The following TTC7B variants were observed in gnomAD, a reference collection of about 807,000 sequenced individuals.
The protein encoded by TTC7B is tetratricopeptide repeat domain 7B, also known as tetratricopeptide repeat protein 7B.
In TTC7B, 28 loss-of-function variants were observed where a neutral mutation model predicts 106.8. The ratio of observed to expected loss-of-function variants is 0.26; its 90% confidence interval spans 0.19 to 0.36. The LOEUF is 0.36. Among genes scored for constraint, TTC7B ranks in the 10% least tolerant of loss-of-function variants. The probability of loss-of-function intolerance (pLI) is 1.00; values close to 1 mark genes in which losing one functional copy is unlikely to be tolerated. For missense variants in TTC7B, 862 were observed against 1,076.4 expected (o/e 0.80, Z 2.79); for synonymous variants, 405 against 430.6 (o/e 0.94, Z 0.74).
chr14:90,707,514 G>A (rs546492108), intron 5 of TTC7B, among the ~76,000 whole-genome samples: 1 of 152,324 alleles, frequency 6.6e-6, no homozygotes, highest in South Asian at 2.1e-4. Flanking sequence ...TGAAAGTGGG[G>A]CCTTTTGTAC....
At chr14:90,603,660 C>T (rs1165200854) in intron 17 of TTC7B, among the ~76,000 whole-genome samples, 3 of 152,118 alleles carry the variant, frequency 2.0e-5, no homozygotes, top group African/African-American at 7.2e-5. Flanking sequence ...AATCATGATT[C>T]CAGTGGTTTG....
At position 90,567,125 on chromosome 14, in the gene TTC7B, C is replaced by T. The variant is rs1395080392; in HGVS notation, c.2310+10981G>A. On this transcript the variant is annotated intron_variant, in intron 19 of 19. Transcript: ENST00000328459. ...AGGGGAGAGAGGCCTGCCTTGGCTC[C>T]AGGTCAGCACCCCGCAAGAGCCTGA... is the stretch of plus-strand genomic sequence containing the variant. 2.0e-5 allele frequency among the ~76,000 whole-genome samples: 3 copies of T among 152,322 alleles called. No individual in the cohort carries two copies. In the East Asian group the frequency reaches 5.8e-4, roughly 29 times the overall value.
At chr14:90,653,487 G>A (rs961480379) in intron 12 of TTC7B, among the ~76,000 whole-genome samples, 2 of 152,198 alleles carry the variant, frequency 1.3e-5, no homozygotes, top group African/African-American at 4.8e-5. Flanking sequence ...CATGGAAAAT[G>A]AGCTCAAAAG....
intron 5 of TTC7B, among the ~76,000 whole-genome samples, chr14:90,712,337 G>A (rs1480605103): frequency 6.6e-6 from 1 of 152,012 alleles, no homozygotes; most frequent in African/African-American, 2.4e-5. Context: ...AGATTGAACA[G>A]AAAAAAGTAA....
intron 5 of TTC7B, chr14:90,699,049 T>A: frequency 2.6e-6 from 1 of 385,540 alleles, no homozygotes; most frequent in East Asian, 8.4e-5. Context: ...CATTCAACCC[T>A]CCCTCTCGAC....
chr14:90,756,121 G>T lies in TTC7B; in HGVS notation c.446-11199C>A, dbSNP rs184640035. ...GTTCTAGTTTCCTTCCTAAGAAGAG[G>T]GGACTCATCACTGGTGTGATGAGTA... is the stretch of plus-strand genomic sequence containing the variant. On this transcript the variant is annotated intron_variant, in intron 3 of 19. Transcript: ENST00000328459. 3.9e-5 allele frequency among the ~76,000 whole-genome samples: 6 copies of T among 152,258 alleles called. No individual in the cohort carries two copies. In the East Asian group the frequency reaches 9.7e-4, roughly 25 times the overall value.
chr14:90,667,794 C>T (rs1886469002), intron 9 of TTC7B, among the ~76,000 whole-genome samples: 1 of 152,096 alleles, frequency 6.6e-6, no homozygotes, highest in Non-Finnish European at 1.5e-5. Context: ...TTGGTGGACT[C>T]AATAGGGAGA....
At chr14:90,694,703 T>TTATTTTATTATAAAATA (rs1168054188) in intron 6 of TTC7B, among the ~76,000 whole-genome samples, 17 of 142,722 alleles carry the variant, frequency 1.2e-4, no homozygotes, top group Admixed American at 2.8e-4. Context: ...AAAATATATT[T>TTATTTTATTATAAAATA]TATTTTATTA....
At chr14:90,560,879 C>T (rs11620666) in intron 19 of TTC7B, among the ~76,000 whole-genome samples, 40,313 of 152,074 alleles carry the variant, frequency 0.27, 6,587 homozygotes, top group Admixed American at 0.36. Flanking sequence ...GCAGATTTGT[C>T]ACCTTTGTGT....
intron 1 of TTC7B, among the ~76,000 whole-genome samples, chr14:90,788,961 CA>C (rs34493796): frequency 0.1 from 14,340 of 138,252 alleles, 748 homozygotes; most frequent in East Asian, 0.17. Flanking sequence ...GACTCCATCT[CA>C]AAAAAAAAAA....
rs2139907674 is a variant in TTC7B, at chr14:90,663,517, T to A, written c.1153-5130A>T. On this transcript the variant is annotated intron_variant, in intron 9 of 19. Transcript: ENST00000328459. This position sits in a 1 kb window ranked among gnomAD's most constrained non-coding sequence, Gnocchi z 4.5. ...TAAGGACTGAGACCTTTCCAGCTAGTAGAAGTGTCAATCAACTTTACTGAT... is the reference window on the plus strand; with the variant it reads ...TAAGGACTGAGACCTTTCCAGCTAGAAGAAGTGTCAATCAACTTTACTGAT... Among the ~76,000 whole-genome samples, 1 of 152,124 alleles carries A rather than the reference T, an allele frequency of 6.6e-6. No homozygotes were observed. The highest frequency in any genetic ancestry group is 2.4e-5 in the African/African-American group (1 of 41,498).
chr14:90,618,110 G>T, intron 15 of TTC7B, 65 bp from the exon 16 acceptor site: 1 of 1,208,610 alleles, frequency 8.3e-7, no homozygotes. Context: ...ATCCCAGCAA[G>T]ACAAGTGGTG....
chr14:90,645,667 A>G (rs1194002827), intron 14 of TTC7B, among the ~76,000 whole-genome samples: 1 of 152,234 alleles, frequency 6.6e-6, no homozygotes, highest in East Asian at 1.9e-4. Context: ...AAGGCAAAGC[A>G]TAGGCATGAT....
chr14:90,654,147 T>G (rs1885847673), intron 12 of TTC7B, among the ~76,000 whole-genome samples: 1 of 152,154 alleles, frequency 6.6e-6, no homozygotes, highest in Non-Finnish European at 1.5e-5. Flanking sequence ...CAGGATAGTA[T>G]TTCCTCGTAA....
At chr14:90,814,687 G>T (rs2031079497) in intron 1 of TTC7B, among the ~76,000 whole-genome samples, 1 of 152,214 alleles carries the variant, frequency 6.6e-6, no homozygotes, top group East Asian at 1.9e-4. Context: ...CCAGGACTGT[G>T]CAACTCCGAG....
chr14:90,585,210 C>T (rs1891664145), intron 18 of TTC7B, among the ~76,000 whole-genome samples: 2 of 152,214 alleles, frequency 1.3e-5, no homozygotes, highest in Admixed American at 1.3e-4. Context: ...TGCCATTAGT[C>T]TCTGAGTCTG....
intron 1 of TTC7B, among the ~76,000 whole-genome samples, chr14:90,804,709 G>A (rs1457573646): frequency 6.6e-6 from 1 of 152,234 alleles, no homozygotes; most frequent in Non-Finnish European, 1.5e-5. Flanking sequence ...ATTTACTGCG[G>A]GTCCCAGGGC....
chr14:90,740,565 G>A (rs553262158), intron 4 of TTC7B, among the ~76,000 whole-genome samples: 1 of 135,582 alleles, frequency 7.4e-6, no homozygotes, highest in Non-Finnish European at 1.5e-5. Context: ...GCAGTGGTGC[G>A]ATCTCGGCTC....
chr14:90,671,079 C>G (rs1172937916), intron 9 of TTC7B, among the ~76,000 whole-genome samples: 1 of 152,126 alleles, frequency 6.6e-6, no homozygotes, highest in Non-Finnish European at 1.5e-5. Context: ...TTGTGTCATG[C>G]CCACTGATAC....
Sources: allele counts gnomAD v4.1 joint callset (sites outside exome capture counted in the v4.1 genomes callset), GRCh38; gene constraint gnomAD v4.1.1; non-coding constraint Gnocchi (gnomAD v3.1); transcripts MANE v1.5; gene names NCBI Gene and HGNC (gene_info 2026-07-23, HGNC 2026-07-21).